The following GRM8 variants were observed in gnomAD, a reference collection of about 807,000 sequenced individuals.
GRM8 encodes metabotropic glutamate receptor 8.
A neutral mutation model predicts 87.2 loss-of-function variants in GRM8; 47 were observed. The ratio of observed to expected loss-of-function variants is 0.54; its 90% CI spans 0.43 to 0.69. The LOEUF is 0.69. GRM8 is among the 30% of genes least tolerant of loss of function. The pLI, the probability that GRM8 is intolerant of heterozygous loss-of-function variation, is 0.00. For missense variants in GRM8, 1,019 were observed against 1,139.2 expected, an observed-to-expected ratio of 0.89 and a Z score of 1.52; for synonymous variants, 396 against 404.5, an observed-to-expected ratio of 0.98 and a Z score of 0.25.
chr7:127,066,919 C>T (rs1258276702), intron 3 of GRM8, among the ~76,000 whole-genome samples: 1 of 152,156 alleles, frequency 6.6e-6, no homozygotes, highest in Non-Finnish European at 1.5e-5. Context: ...GCTTATTTCA[C>T]TTAACGTAAT....
chr7:127,138,934 C>A (rs1422524805), intron 2 of GRM8, among the ~76,000 whole-genome samples: 1 of 152,188 alleles, frequency 6.6e-6, no homozygotes, highest in Non-Finnish European at 1.5e-5. Flanking sequence ...CACTGGCACT[C>A]TGTCAAATGA....
chr7:126,658,517 G>A (rs1172393911), intron 7 of GRM8, among the ~76,000 whole-genome samples: 1 of 152,016 alleles, frequency 6.6e-6, no homozygotes, highest in African/African-American at 2.4e-5. Context: ...TGATAAATGT[G>A]AGGCACATGT....
intron 1 of GRM8, among the ~76,000 whole-genome samples, chr7:127,250,137 C>A (rs1024434692): frequency 4.6e-5 from 7 of 152,118 alleles, no homozygotes; most frequent in Non-Finnish European, 7.4e-5. Flanking sequence ...AAGATTGGCA[C>A]GCAATTGCCA....
At chr7:127,230,896 A>C (rs1797649042) in intron 2 of GRM8, among the ~76,000 whole-genome samples, 1 of 152,200 alleles carries the variant, frequency 6.6e-6, no homozygotes. Flanking sequence ...CTGATTGAGA[A>C]ACCTTGGCTG....
chr7:127,013,529 A>G (rs1815101201), intron 3 of GRM8, among the ~76,000 whole-genome samples: 1 of 79,102 alleles, frequency 1.3e-5, no homozygotes, highest in Non-Finnish European at 2.6e-5. Context: ...GGGATGGGGG[A>G]TGGGGGATGG....
chr7:126,659,454 G>A (rs908409740), intron 7 of GRM8, among the ~76,000 whole-genome samples: 3 of 152,162 alleles, frequency 2.0e-5, no homozygotes, highest in South Asian at 2.1e-4. Context: ...AATATGATAC[G>A]TCCATTTAGA....
chr7:127,054,127 A>G lies in GRM8; in HGVS notation c.727+52369T>C, dbSNP rs77029281. Among the ~76,000 whole-genome samples the G allele has an allele frequency of 7.9e-3, 1,207 of 152,204 alleles. 9 individuals are homozygous for G. Among genetic ancestry groups the G allele is most frequent in the South Asian group, 0.022 (104 of 4,812 alleles). On this transcript the variant is annotated intron_variant, in intron 3 of 10. Coordinates refer to ENST00000339582, the MANE Select transcript of GRM8 (RefSeq NM_000845.3). ...TGTAAATTAATTTTATAAGAGCTTCACCCTTGTATATCTAATTACTTCTAA... is the reference window on the plus strand; with the variant it reads ...TGTAAATTAATTTTATAAGAGCTTCGCCCTTGTATATCTAATTACTTCTAA...
chr7:126,941,760 C>T (rs901448271), intron 3 of GRM8, among the ~76,000 whole-genome samples: 29 of 152,002 alleles, frequency 1.9e-4, no homozygotes, highest in Non-Finnish European at 2.9e-5. Context: ...AATCTATAAA[C>T]CCAAAAGTCT....
At chr7:127,226,671 T>A (rs1797346209) in intron 2 of GRM8, among the ~76,000 whole-genome samples, 1 of 152,234 alleles carries the variant, frequency 6.6e-6, no homozygotes, top group Non-Finnish European at 1.5e-5. Flanking sequence ...TAACGTTAAA[T>A]TTGAAAATTA....
At chr7:126,587,832 GAAAAA>G (rs762772013) in intron 8 of GRM8, among the ~76,000 whole-genome samples, 1 of 141,762 alleles carries the variant, frequency 7.1e-6, no homozygotes, top group Non-Finnish European at 1.6e-5. Context: ...ATAAAAAAAA[GAAAAA>G]AAAGTAATGT....
At chr7:127,101,938 T>C (rs1053388201) in intron 3 of GRM8, among the ~76,000 whole-genome samples, 8 of 152,204 alleles carry the variant, frequency 5.3e-5, no homozygotes, top group African/African-American at 1.7e-4. Flanking sequence ...TTAATAGTGA[T>C]ATGGACAGTG....
intron 8 of GRM8, among the ~76,000 whole-genome samples, chr7:126,587,527 G>A (rs1796260729): frequency 6.6e-6 from 1 of 152,136 alleles, no homozygotes; most frequent in Non-Finnish European, 1.5e-5. Flanking sequence ...GTTCTTTGTA[G>A]GGACAGGGAT....
chr7:126,818,055 T>G (rs892149394), intron 6 of GRM8, among the ~76,000 whole-genome samples: 1 of 152,130 alleles, frequency 6.6e-6, no homozygotes. Flanking sequence ...ACTCTTTTTG[T>G]GAACAGCAGG....
chr7:126,619,659 G>A (rs866827980), intron 7 of GRM8, among the ~76,000 whole-genome samples: 2 of 152,046 alleles, frequency 1.3e-5, no homozygotes, highest in Middle Eastern at 3.4e-3. Flanking sequence ...CTATACGTTA[G>A]GTATTTCATA....
At chr7:127,227,469 T>C (rs1259696464) in intron 2 of GRM8, among the ~76,000 whole-genome samples, 3 of 152,254 alleles carry the variant, frequency 2.0e-5, no homozygotes, top group Non-Finnish European at 2.9e-5. Flanking sequence ...ATGTTCATTT[T>C]ATCAACTCAT....
At chr7:127,056,277 C>T (rs11563756) in intron 3 of GRM8, among the ~76,000 whole-genome samples, 12,144 of 152,048 alleles carry the variant, frequency 0.08, 524 homozygotes, top group South Asian at 0.13. Flanking sequence ...TAAACTATTA[C>T]CTAGAAAGAG....
intron 3 of GRM8, among the ~76,000 whole-genome samples, chr7:127,070,803 C>A (rs1236337316): frequency 6.6e-6 from 1 of 152,142 alleles, no homozygotes; most frequent in Admixed American, 6.5e-5. Context: ...GGTTTTAGAA[C>A]TGGTGACAGC....
chr7:127,059,331 C>CTTTTTTTTTTTTTTTTTT (rs10618329), intron 3 of GRM8, among the ~76,000 whole-genome samples: 1 of 130,592 alleles, frequency 7.7e-6, no homozygotes, highest in African/African-American at 2.8e-5. Flanking sequence ...TTTTTTTTTG[C>CTTTTTTTTTTTTTTTTTT]TTTTTTTTTT....
chr7:127,056,615 A>C (rs757079217), intron 3 of GRM8, among the ~76,000 whole-genome samples: 4 of 152,252 alleles, frequency 2.6e-5, no homozygotes, highest in Non-Finnish European at 5.9e-5. Context: ...ACACACCGGC[A>C]AAATCTAAAA....
Sources: allele counts gnomAD v4.1 joint callset (sites outside exome capture counted in the v4.1 genomes callset), GRCh38; gene constraint gnomAD v4.1.1; transcripts MANE v1.5; gene names NCBI Gene and HGNC (gene_info 2026-07-23, HGNC 2026-07-21).